PXDN: variants seen among roughly 807,000 people sequenced by gnomAD.
PXDN encodes peroxidasin.
Under a neutral mutation model 140.3 loss-of-function variants are expected in PXDN, and 77 were observed. The observed-to-expected ratio is 0.55, with a 90% CI of 0.46 to 0.66. PXDN has a LOEUF of 0.66. Among genes scored for constraint, PXDN ranks in the 30% least tolerant of loss-of-function variants. PXDN has a pLI of 0.00. For synonymous variants in PXDN, 911 were observed against 857.4 expected (o/e 1.06, Z -1.09); for missense variants, 1,838 against 2,039.5 (o/e 0.90, Z 1.90).
chr2:1,720,669 T>TTCTCTCTCTCTGCATGTCTTTCTC (rs140201640), intron 1 of PXDN, among the ~76,000 whole-genome samples: 2 of 33,642 alleles, frequency 5.9e-5, no homozygotes, highest in African/African-American at 2.5e-4. Flanking sequence ...CTGCATCTCT[T>TTCTCTCTCTCTGCATGTCTTTCTC]TCTCTCTGCA....
At chr2:1,642,339 T>C (rs1190777953) in intron 19 of PXDN, among the ~76,000 whole-genome samples, 1 of 152,216 alleles carries the variant, frequency 6.6e-6, no homozygotes, top group African/African-American at 2.4e-5. Flanking sequence ...TTTCAACGCT[T>C]ACTAAATTAA....
In PXDN at chr2:1,658,058, CTCTCTCTCTCTCTCTCTCT is replaced by C. The variant is rs1558494343; in HGVS notation, c.1837+2804_1837+2822del. Reference sequence around the variant, plus strand: ...TCTCTCTCTCTCTCTCTCTCTCTCTCTCTCTCTCTCTCTCTCTCTCTCTCTCTCTCTCTCTGTTACAGTG... The same window carrying C: ...TCTCTCTCTCTCTCTCTCTCTCTCTCCTCTCTCTCTCTCTCTGTTACAGTG... On this transcript the variant is annotated intron_variant, in intron 14 of 22. Transcript: ENST00000252804. Among the ~76,000 whole-genome samples, 36 of 126,898 alleles carry C rather than the reference CTCTCTCTCTCTCTCTCTCT, an allele frequency of 2.8e-4. 2 individuals are homozygous for C. Among genetic ancestry groups the C allele is most frequent in the African/African-American group, 1.1e-3 (35 of 31,928 alleles). 83.3% of individuals were successfully genotyped at this position (126,898 alleles called of 152,430 possible). A position where few individuals can be genotyped will look rare whatever the true frequency, so the allele number is the denominator to read the frequency against.
intron 1 of PXDN, among the ~76,000 whole-genome samples, chr2:1,741,044 G>T (rs1685531514): frequency 6.6e-6 from 1 of 152,130 alleles, no homozygotes; most frequent in Admixed American, 6.5e-5. Context: ...TGTTAGTTTT[G>T]ATGAATCCAT....
intron 1 of PXDN, among the ~76,000 whole-genome samples, chr2:1,720,620 T>TGCATCTCTTTCTCTCTCTCG (rs1685019603): frequency 6.6e-6 from 1 of 151,988 alleles, no homozygotes; most frequent in African/African-American, 2.4e-5. Flanking sequence ...CAGCTCTCTC[T>TGCATCTCTTTCTCTCTCTCG]GCATCTCTTT....
chr2:1,729,606 A>G (rs1351187297), intron 1 of PXDN, among the ~76,000 whole-genome samples: 27 of 152,146 alleles, frequency 1.8e-4, no homozygotes, highest in Non-Finnish European at 2.9e-5. Context: ...CGTTGGATAC[A>G]GTGTACACCA....
rs1553359698 is a variant in PXDN at position 1,658,083 on chromosome 2, T to TCTCTCTCTCTCTCTCTCTCTCCCC, written c.1837+2797_1837+2798insGGGGAGAGAGAGAGAGAGAGAGAG. Among the ~76,000 whole-genome samples, 4 of 77,752 alleles carry TCTCTCTCTCTCTCTCTCTCTCCCC rather than the reference T, an allele frequency of 5.1e-5. 1 individual carries two copies. Among genetic ancestry groups the TCTCTCTCTCTCTCTCTCTCTCCCC allele is most frequent in the African/African-American group, 1.7e-4 (3 of 17,576 alleles). The allele number at this position is 77,752 out of a possible 152,430, so 51.0% of individuals were successfully genotyped here. A position where few individuals can be genotyped will look rare whatever the true frequency, so the allele number is the denominator to read the frequency against. Reference sequence around the variant, plus strand: ...CTCTCTCTCTCTCTCTCTCTCTCTCTCTCTCTCTCTGTTACAGTGTCTGCG... The same window carrying TCTCTCTCTCTCTCTCTCTCTCCCC: ...CTCTCTCTCTCTCTCTCTCTCTCTCTCTCTCTCTCTCTCTCTCTCTCCCCCTCTCTCTCTGTTACAGTGTCTGCG... On this transcript the variant is annotated intron_variant, in intron 14 of 22. Transcript: ENST00000252804.
At chr2:1,688,283 A>G (rs1346877836) in intron 3 of PXDN, among the ~76,000 whole-genome samples, 1 of 152,202 alleles carries the variant, frequency 6.6e-6, no homozygotes, top group African/African-American at 2.4e-5. Flanking sequence ...ATTTCCTAAC[A>G]TGTGAACTTG....
intron 1 of PXDN, among the ~76,000 whole-genome samples, chr2:1,732,759 A>G (rs1685338904): frequency 6.6e-6 from 1 of 152,210 alleles, no homozygotes; most frequent in South Asian, 2.1e-4. Context: ...TATGGCATGA[A>G]AGGAAGGATA....
At position 1,744,350 on chromosome 2, in the gene PXDN, AC is replaced by A; in HGVS notation, c.105del (p.Cys36ValfsTer32). On this transcript the variant is annotated frameshift_variant, in exon 1 of 23. Transcript: ENST00000252804. LOFTEE classifies it high-confidence loss of function. ...CGGAAGCACAGGCAGCGGCTCGGAC[AC>A]CCTGCGCCCGGCTTCTGGGCCACCA... Reference protein sequence around the residue: ...LAVVAQKPGAGCPSRCLCFRT... With the variant: ...LAVVAQKPGAXCPSRCLCFRT... The A allele has an allele frequency of 1.3e-6, 2 of 1,527,140 alleles. No individual in the cohort carries two copies. The highest frequency in any genetic ancestry group is 1.7e-6 in the Non-Finnish European group (2 of 1,143,542). The allele number at this position is 1,527,140 out of a possible 1,614,324, so 94.6% of individuals were successfully genotyped here. A position where few individuals can be genotyped will look rare whatever the true frequency, so the allele number is the denominator to read the frequency against.
rs976197435 is a variant in PXDN, at chr2:1,653,897, A to G, written c.1947-112T>C. 6.2e-6 allele frequency: 8 copies of G among 1,287,192 alleles called. No individual in the cohort carries two copies. The African/African-American group carries it at 9.0e-5, about 15-fold the overall frequency. The allele number at this position is 1,287,192 out of a possible 1,614,324, so 79.7% of individuals were successfully genotyped here. A position where few individuals can be genotyped will look rare whatever the true frequency, so the allele number is the denominator to read the frequency against. On this transcript the variant is annotated intron_variant, in intron 15 of 22. Coordinates refer to ENST00000252804, the MANE Select transcript of PXDN (RefSeq NM_012293.3). ...ATTAATATTTCTACGGCTACTTTCT[A>G]CAACATAATGTACTATACCTTCCTC...
chr2:1,655,191 CAT>C (rs907523979), intron 14 of PXDN, among the ~76,000 whole-genome samples: 47 of 151,684 alleles, frequency 3.1e-4, no homozygotes, highest in East Asian at 5.8e-4. Flanking sequence ...ATTATACACA[CAT>C]GTCACATTAT....
chr2:1,687,731 A>G lies in PXDN; in HGVS notation c.345-28T>C. 1 of 1,467,516 alleles carries G rather than the reference A, an allele frequency of 6.8e-7. No individual in the cohort carries two copies. Among genetic ancestry groups the G allele is most frequent in the Non-Finnish European group, 9.5e-7 (1 of 1,057,390 alleles). 90.9% of individuals were successfully genotyped at this position (1,467,516 alleles called of 1,614,324 possible). A position where few individuals can be genotyped will look rare whatever the true frequency, so the allele number is the denominator to read the frequency against. On this transcript the variant is annotated intron_variant, in intron 3 of 22. Coordinates refer to ENST00000252804, the MANE Select transcript of PXDN (RefSeq NM_012293.3). This position sits in a 1 kb window ranked among gnomAD's most constrained non-coding sequence, Gnocchi z 4.0. Reference sequence around the variant, plus strand: ...GAAACAAGAAACATTGGGGAGCATTAGCACACAGACAGGAGGTCAAACTTC... The same window carrying G: ...GAAACAAGAAACATTGGGGAGCATTGGCACACAGACAGGAGGTCAAACTTC...
intron 22 of PXDN, 49 bp from the exon 23 acceptor site, chr2:1,634,372 A>G: frequency 1.3e-6 from 2 of 1,529,562 alleles, no homozygotes; most frequent in Non-Finnish European, 1.8e-6. Flanking sequence ...GATGGCCTTC[A>G]GGTGAGCAAA....
chr2:1,656,123 CCA>C (rs987285690), intron 14 of PXDN, among the ~76,000 whole-genome samples: 2 of 151,418 alleles, frequency 1.3e-5, no homozygotes, highest in Admixed American at 1.3e-4. Context: ...ACCCCAAACA[CCA>C]CACAAACACA....
chr2:1,714,903 C>T lies in PXDN; in HGVS notation c.201-21769G>A, dbSNP rs1365104562. On this transcript the variant is annotated intron_variant, in intron 1 of 22. Coordinates refer to ENST00000252804, the MANE Select transcript of PXDN (RefSeq NM_012293.3). The surrounding 1 kb of genome is among the most constrained non-coding windows in gnomAD (Gnocchi z 4.3). ...TGGCCTGGCGCCCTGTCTTGCTCAC[C>T]CTGTCCCAGATTAACCTATGTCTAG... 6.6e-6 allele frequency among the ~76,000 whole-genome samples: 1 copy of T among 152,110 alleles called. No homozygotes were observed. The highest frequency in any genetic ancestry group is 2.4e-5 in the African/African-American group (1 of 41,426).
intron 1 of PXDN, among the ~76,000 whole-genome samples, chr2:1,710,603 A>ACTCTCCACCAGCACCCC (rs1684734426): frequency 1.2e-5 from 1 of 86,188 alleles, no homozygotes. Context: ...ACCAGCACCC[A>ACTCTCCACCAGCACCCC]CTCTCCACCA....
intron 1 of PXDN, among the ~76,000 whole-genome samples, chr2:1,699,039 C>T (rs1342162243): frequency 6.6e-6 from 1 of 151,946 alleles, no homozygotes; most frequent in Non-Finnish European, 1.5e-5. Context: ...AAAAAAATGT[C>T]AAGAATTGTA....
In PXDN at chr2:1,648,750, G is replaced by A. The variant is rs753323541; in HGVS notation, c.3030C>T (p.Asp1010=). 10 of 1,603,388 alleles carry A rather than the reference G, an allele frequency of 6.2e-6. No individual in the cohort carries two copies. The Admixed American group carries it at 1.0e-4, about 16-fold the overall frequency. Residue 1010 remains aspartate, a synonymous_variant, in exon 17 of 23, where the codon GAC becomes GAT. Coordinates refer to ENST00000252804, the MANE Select transcript of PXDN (RefSeq NM_012293.3). The surrounding 1 kb of genome is among the most constrained non-coding windows in gnomAD (Gnocchi z 8.9). ...TGGTCTCATAGTAGATGGTGTCGCC[G>A]TCCCAGTGCGGGTTCAGCTTGAGCA... is the stretch of plus-strand genomic sequence containing the variant. ...TELLKLNPHW[D]GDTIYYETRK...
chr2:1,668,521 T>C (rs1030245433), intron 9 of PXDN, among the ~76,000 whole-genome samples: 5 of 151,258 alleles, frequency 3.3e-5, no homozygotes, highest in Admixed American at 6.6e-5. Context: ...AGGCAACCTA[T>C]AGAATGGGAG....
Sources: allele counts gnomAD v4.1 joint callset (sites outside exome capture counted in the v4.1 genomes callset), GRCh38; gene constraint gnomAD v4.1.1; non-coding constraint Gnocchi (gnomAD v3.1); transcripts MANE v1.5; gene names NCBI Gene and HGNC (gene_info 2026-07-23, HGNC 2026-07-21).